The following PCDH9 variants were observed in gnomAD, a reference collection of about 807,000 sequenced individuals.
The protein encoded by PCDH9 is protocadherin 9, also known as protocadherin-9.
Under a neutral mutation model 70.6 loss-of-function variants are expected in PCDH9, and 24 were observed. The ratio of observed to expected loss-of-function variants is 0.34; its 90% CI spans 0.25 to 0.48. The LOEUF (loss-of-function observed/expected upper bound fraction) is 0.48, where lower values mean the gene tolerates loss of function less well. Among genes scored for constraint, PCDH9 ranks in the 20% least tolerant of loss-of-function variants. The pLI, the probability that PCDH9 is intolerant of heterozygous loss-of-function variation, is 0.99. For synonymous variants in PCDH9, 562 were observed against 558.5 expected, an observed-to-expected ratio of 1.01 and a Z score of -0.09; for missense variants, 1,281 against 1,503.6, an observed-to-expected ratio of 0.85 and a Z score of 2.45.
chr13:66,871,664 T>C (rs901867020), intron 3 of PCDH9, among the ~76,000 whole-genome samples: 3 of 152,124 alleles, frequency 2.0e-5, no homozygotes, highest in African/African-American at 4.8e-5. Context: ...TGCAGCCAGA[T>C]TGGTCTTCTA....
chr13:66,777,329 C>A (rs980903880), intron 3 of PCDH9, among the ~76,000 whole-genome samples: 2 of 150,224 alleles, frequency 1.3e-5, no homozygotes, highest in Non-Finnish European at 3.0e-5. Flanking sequence ...AAACTACCAT[C>A]AGAGTGAACA....
At chr13:66,355,670 A>C (rs1341596647) in intron 4 of PCDH9, among the ~76,000 whole-genome samples, 3 of 152,250 alleles carry the variant, frequency 2.0e-5, no homozygotes, top group East Asian at 3.9e-4. Flanking sequence ...ATATACATTA[A>C]ATAAGGCATC....
At chr13:66,828,378 A>G (rs994460388) in intron 3 of PCDH9, among the ~76,000 whole-genome samples, 1 of 152,184 alleles carries the variant, frequency 6.6e-6, no homozygotes, top group South Asian at 2.1e-4. Flanking sequence ...AACCTCTAAA[A>G]AATACTAATG....
At chr13:66,353,853 A>G (rs189509327) in intron 4 of PCDH9, among the ~76,000 whole-genome samples, 150 of 152,266 alleles carry the variant, frequency 9.9e-4, no homozygotes, top group Non-Finnish European at 1.4e-3. Context: ...AGCAACCAGT[A>G]AAGAGAAAAT....
chr13:66,370,094 C>G (rs1426038763), intron 4 of PCDH9, among the ~76,000 whole-genome samples: 1 of 152,108 alleles, frequency 6.6e-6, no homozygotes, highest in Non-Finnish European at 1.5e-5. Context: ...AACACTGACT[C>G]TAGGTCCCTG....
At chr13:67,218,810 A>T (rs919777076) in intron 2 of PCDH9, 3 of 152,032 alleles carry the variant, frequency 2.0e-5, no homozygotes, top group Non-Finnish European at 4.4e-5. Flanking sequence ...AGAATCAATC[A>T]AATATTCCTC....
At chr13:66,959,812 T>A (rs2083317872) in intron 2 of PCDH9, among the ~76,000 whole-genome samples, 1 of 151,900 alleles carries the variant, frequency 6.6e-6, no homozygotes, top group East Asian at 1.9e-4. Context: ...TAACTTGAAC[T>A]AAGAAGCTGG....
intron 3 of PCDH9, among the ~76,000 whole-genome samples, chr13:66,642,315 C>CA (rs1201672495): frequency 6.6e-6 from 1 of 151,756 alleles, no homozygotes; most frequent in Non-Finnish European, 1.5e-5. Context: ...TGTTATAGTC[C>CA]AAAAAAGGCC....
chr13:66,713,548 G>A (rs2078823033), intron 3 of PCDH9, among the ~76,000 whole-genome samples: 1 of 146,794 alleles, frequency 6.8e-6, no homozygotes, highest in African/African-American at 2.5e-5. Context: ...TATTCTTTAA[G>A]ATCATCTCTG....
At chr13:66,829,932 T>C (rs1167490504) in intron 3 of PCDH9, among the ~76,000 whole-genome samples, 9 of 127,892 alleles carry the variant, frequency 7.0e-5, no homozygotes, top group Non-Finnish European at 9.7e-5. Flanking sequence ...AAAAATTATA[T>C]AAAAGAATAG....
intron 4 of PCDH9, among the ~76,000 whole-genome samples, chr13:66,409,131 T>C (rs2138317697): frequency 6.6e-6 from 1 of 152,252 alleles, no homozygotes. Flanking sequence ...GATTTAATGC[T>C]TGAATTCCAT....
intron 2 of PCDH9, among the ~76,000 whole-genome samples, chr13:66,947,744 T>A (rs1484113096): frequency 6.6e-6 from 1 of 152,238 alleles, no homozygotes; most frequent in Admixed American, 6.6e-5. Flanking sequence ...ATAACTTGGA[T>A]ATGTTAAGGG....
chr13:66,644,222 A>G (rs978609483), intron 3 of PCDH9, among the ~76,000 whole-genome samples: 1 of 151,938 alleles, frequency 6.6e-6, no homozygotes, highest in Non-Finnish European at 1.5e-5. Context: ...ATATTTTATT[A>G]TCTAGGGTAT....
At position 66,903,031 on chromosome 13, in the gene PCDH9, TA is replaced by T. The variant is rs980329106; in HGVS notation, c.3138+472del. ...AAAAGATCAAACTGATATAAAGTAG[TA>T]AAAAAAAAGGAAAACTTCATTAAAA... On this transcript the variant is annotated intron_variant, in intron 3 of 4. Transcript: ENST00000377865. 2.3e-4 allele frequency among the ~76,000 whole-genome samples: 34 copies of T among 150,652 alleles called. No homozygotes were observed. In the East Asian group the frequency reaches 2.3e-3, roughly 10 times the overall value.
At chr13:66,898,252 G>A (rs1267487712) in intron 3 of PCDH9, among the ~76,000 whole-genome samples, 2 of 151,908 alleles carry the variant, frequency 1.3e-5, no homozygotes, top group African/African-American at 4.8e-5. Flanking sequence ...CCCCAAATAT[G>A]TATGCATGTA....
At chr13:66,346,981 T>C (rs530136555) in intron 4 of PCDH9, among the ~76,000 whole-genome samples, 1 of 152,180 alleles carries the variant, frequency 6.6e-6, no homozygotes, top group Non-Finnish European at 1.5e-5. Flanking sequence ...CACTTCATTG[T>C]ATTCAATTTA....
chr13:66,471,541 A>G (rs1013298277), intron 4 of PCDH9, among the ~76,000 whole-genome samples: 41 of 152,222 alleles, frequency 2.7e-4, no homozygotes, highest in African/African-American at 9.4e-4. Context: ...TTATTTTAAC[A>G]TTATAATACC....
intron 4 of PCDH9, among the ~76,000 whole-genome samples, chr13:66,399,896 A>C (rs1309635293): frequency 6.6e-6 from 1 of 152,164 alleles, no homozygotes; most frequent in African/African-American, 2.4e-5. Context: ...TAATTTGTTA[A>C]GTGGGAAAAA....
intron 4 of PCDH9, among the ~76,000 whole-genome samples, chr13:66,567,666 C>A (rs2076672993): frequency 6.6e-6 from 1 of 152,168 alleles, no homozygotes; most frequent in African/African-American, 2.4e-5. Flanking sequence ...ACACAGCTTA[C>A]CACCATTATC....
Sources: gnomAD v4.1 joint callset for allele counts (sites outside exome capture counted in the v4.1 genomes callset) on GRCh38, gnomAD v4.1.1 for gene constraint, MANE v1.5 for transcripts, NCBI Gene and HGNC (gene_info 2026-07-23, HGNC 2026-07-21) for gene names.